HPS3: variants seen among roughly 807,000 people sequenced by gnomAD.
The protein encoded by HPS3 is HPS3 biogenesis of lysosomal organelles complex 2 subunit 1, also known as BLOC-2 complex member HPS3.
In HPS3, 79 loss-of-function variants were observed where a neutral mutation model predicts 110.9. The ratio of observed to expected loss-of-function variants is 0.71; its 90% CI spans 0.59 to 0.86. The LOEUF (loss-of-function observed/expected upper bound fraction) is 0.86, where lower values mean the gene tolerates loss of function less well. Ranked by LOEUF, HPS3 falls within the 40% of genes least tolerant of loss-of-function variation. The pLI, the probability that HPS3 is intolerant of heterozygous loss-of-function variation, is 0.00. For synonymous variants in HPS3, 428 were observed against 451.0 expected (o/e 0.95, Z 0.65); for missense variants, 1,197 against 1,206.2 (o/e 0.99, Z 0.11).
At position 149,160,096 on chromosome 3, in the gene HPS3, A is replaced by G. The variant is rs1723695474; in HGVS notation, c.1923A>G (p.Gln641=). The change falls in exon 11 of 17, where the codon CAA becomes CAG. Residue 641 remains glutamine (Q), a synonymous_variant. Transcript: ENST00000296051. ...VQMFYVAEPK[Q]VPHILCSPSM... ...TGTTTTATGTGGCTGAGCCAAAGCA[A>G]GTGCCCCATATTCTCTGTAGTCCTT... is the stretch of plus-strand genomic sequence containing the variant. 6.2e-7 allele frequency: 1 copy of G among 1,613,888 alleles called. No homozygotes were observed. Among genetic ancestry groups the G allele is most frequent in the Non-Finnish European group, 8.5e-7 (1 of 1,179,920 alleles).
intron 6 of HPS3, 66 bp from the exon 7 acceptor site, chr3:149,153,427 TG>T: frequency 1.5e-6 from 2 of 1,346,208 alleles, no homozygotes. Flanking sequence ...ATAAACTGAC[TG>T]ATTTTTGAAG....
intron 5 of HPS3, among the ~76,000 whole-genome samples, chr3:149,147,653 A>G (rs747499283): frequency 1.3e-5 from 2 of 152,132 alleles, no homozygotes; most frequent in Non-Finnish European, 2.9e-5. Flanking sequence ...TTTATAAGTT[A>G]TGTACATATT....
At chr3:149,150,489 C>T in intron 5 of HPS3, 110 bp from the exon 6 acceptor site, 2 of 778,104 alleles carry the variant, frequency 2.6e-6, no homozygotes, top group Non-Finnish European at 4.6e-6. Flanking sequence ...TTGACAAATA[C>T]TTGACTGTCA....
chr3:149,148,552 A>G (rs11716419), intron 5 of HPS3, among the ~76,000 whole-genome samples: 41,256 of 151,306 alleles, frequency 0.27, 6,211 homozygotes, highest in African/African-American at 0.42. Context: ...ACAGGTGCCC[A>G]TCACCATGCC....
intron 5 of HPS3, among the ~76,000 whole-genome samples, chr3:149,145,918 T>C (rs1440461247): frequency 1.3e-5 from 2 of 152,228 alleles, no homozygotes; most frequent in African/African-American, 4.8e-5. Context: ...ATTTTTCTAG[T>C]ATAAATTGAG....
rs371176846 is a variant in HPS3, at chr3:149,172,250, G to A, written c.*28G>A. Reference sequence around the variant, plus strand: ...GTATCATTTGAAAAATACCATAATGGCATTTGAGACTGAATTTCTAAAAAT... The same window carrying A: ...GTATCATTTGAAAAATACCATAATGACATTTGAGACTGAATTTCTAAAAAT... On this transcript the variant is annotated 3_prime_UTR_variant, in exon 17 of 17. Coordinates refer to ENST00000296051, the MANE Select transcript of HPS3 (RefSeq NM_032383.5). 49 of 1,560,344 alleles carry A rather than the reference G, an allele frequency of 3.1e-5. No individual in the cohort carries two copies. Among genetic ancestry groups the A allele is most frequent in the Non-Finnish European group, 3.9e-5 (45 of 1,145,644 alleles).
Position 149,153,585 on chromosome 3 carries a change from T to C in HPS3, c.1337T>C (p.Ile446Thr), listed in dbSNP as rs963232399. ...KAICHFKNHI[I>T]LLTKAEPEAI... ...ATCTGTCACTTTAAAAACCACATCA[T>C]ACTTTTGACTAAAGCAGAACCTGAA... is the stretch of plus-strand genomic sequence containing the variant. The change falls in exon 7 of 17, where the codon ATA becomes ACA. Residue 446 changes from isoleucine (I) to threonine (T), a missense_variant. Coordinates refer to ENST00000296051, the MANE Select transcript of HPS3 (RefSeq NM_032383.5). 17 of 1,614,100 alleles carry C rather than the reference T, an allele frequency of 1.1e-5. No individual in the cohort carries two copies. Among genetic ancestry groups the C allele is most frequent in the Non-Finnish European group, 1.4e-5 (16 of 1,180,022 alleles).
chr3:149,130,058 T>C, intron 1 of HPS3, 118 bp downstream of exon 1: 2 of 1,008,240 alleles, frequency 2.0e-6, no homozygotes, highest in Non-Finnish European at 2.9e-6. Context: ...TTCCCGGAAT[T>C]TGCCGGATGG....
intron 8 of HPS3, 101 bp downstream of exon 8, chr3:149,155,316 A>G (rs930595280): frequency 5.2e-6 from 4 of 764,224 alleles, no homozygotes; most frequent in Non-Finnish European, 7.0e-6. Context: ...TGCCACAGCC[A>G]TTCAGCTTCC....
intron 4 of HPS3, 51 bp downstream of exon 4, chr3:149,141,431 T>C: frequency 6.8e-7 from 1 of 1,469,224 alleles, no homozygotes; most frequent in Non-Finnish European, 9.5e-7. Flanking sequence ...GAAAATGCTC[T>C]GTCTGGGCTG....
chr3:149,159,047 A>G (rs1723630166), intron 10 of HPS3, among the ~76,000 whole-genome samples: 1 of 152,170 alleles, frequency 6.6e-6, no homozygotes, highest in Admixed American at 6.6e-5. Context: ...ATCTTCTCAT[A>G]CTTTCTCATT....
intron 5 of HPS3, among the ~76,000 whole-genome samples, chr3:149,149,327 A>G (rs1043204528): frequency 1.3e-5 from 2 of 152,018 alleles, no homozygotes; most frequent in South Asian, 4.1e-4. Flanking sequence ...AGCTATTCTC[A>G]TCTGTCCTTC....
chr3:149,140,755 A>C (rs534328122), intron 2 of HPS3, among the ~76,000 whole-genome samples: 13 of 152,278 alleles, frequency 8.5e-5, no homozygotes, highest in African/African-American at 2.4e-4. Context: ...CATAGTTACT[A>C]GTTGAATGAC....
chr3:149,134,167 T>C (rs1019059452), intron 1 of HPS3, among the ~76,000 whole-genome samples: 2 of 152,228 alleles, frequency 1.3e-5, no homozygotes, highest in Non-Finnish European at 2.9e-5. Flanking sequence ...ACGGACCTGT[T>C]TGAAAAACCT....
Position 149,162,724 on chromosome 3 carries a change from A to T in HPS3, c.2327A>T (p.Gln776Leu). Residue 776 changes from glutamine (Q) to leucine (L), a missense_variant, in exon 13 of 17, where the codon CAG becomes CTG. Transcript: ENST00000296051. ...LCAKDEDTIP[Q>L]LLVDFWEAQL... Reference sequence around the variant, plus strand: ...GCTAAGGATGAAGATACAATTCCTCAGCTCTTGGTAGACTTTTGGGAAGCT... The same window carrying T: ...GCTAAGGATGAAGATACAATTCCTCTGCTCTTGGTAGACTTTTGGGAAGCT... 3 of 1,614,034 alleles carry T rather than the reference A, an allele frequency of 1.9e-6. No homozygotes were observed. Among genetic ancestry groups the T allele is most frequent in the Non-Finnish European group, 2.5e-6 (3 of 1,179,942 alleles).
rs749189972 is a variant in HPS3 at position 149,167,252 on chromosome 3, C to T, written c.2796+12C>T. The T allele has an allele frequency of 5.0e-6, 8 of 1,600,408 alleles. 1 individual carries two copies. The highest frequency in any genetic ancestry group is 2.2e-5 in the South Asian group (2 of 90,188). ...AAGAAGAGAACCGGGTATGCTTTTT[C>T]AGATTATGTTTTTAGGCTTGATCAG... On this transcript the variant is annotated intron_variant, in intron 15 of 16. Transcript: ENST00000296051.
In HPS3 at chr3:149,140,150, A is replaced by G. The variant is rs953544588; in HGVS notation, c.364A>G (p.Arg122Gly). 1.2e-6 allele frequency: 2 copies of G among 1,614,120 alleles called. No homozygotes were observed. Among genetic ancestry groups the G allele is most frequent in the Admixed American group, 1.7e-5 (1 of 60,024 alleles). ...NVEGPFSKAFRDQMYIIEMPL... is the reference protein window; with the variant it reads ...NVEGPFSKAFGDQMYIIEMPL... ...GGAGGGACCATTCAGCAAAGCCTTC[A>G]GAGACCAGATGTACATTATTGAAAT... Residue 122 changes from arginine (R) to glycine (G), a missense_variant, in exon 2 of 17, where the codon AGA becomes GGA. Transcript: ENST00000296051.
At chr3:149,171,056 G>A in intron 16 of HPS3, among the ~76,000 whole-genome samples, 1 of 152,200 alleles carries the variant, frequency 6.6e-6, no homozygotes, top group East Asian at 1.9e-4. Flanking sequence ...AAGGCAGGCG[G>A]ATCATGAGGT....
rs1489252070 is a variant in HPS3 at position 149,172,187 on chromosome 3, C to G, written c.2980C>G (p.Leu994Val). The change falls in exon 17 of 17, where the codon CTT (leucine) becomes GTT (valine). Residue 994 changes from leucine to valine, a missense_variant. By Grantham distance (32) the Leu-to-Val change is conservative (BLOSUM62 1). Transcript: ENST00000296051. Reference protein sequence around the residue: ...DGTATFFLPYLLYCSRKKPLT With the variant: ...DGTATFFLPYVLYCSRKKPLT ...TACTGCAACATTTTTCTTGCCATAT[C>G]TTCTCTATTGCAGTCGAAAGAAACC... 1.2e-6 allele frequency: 2 copies of G among 1,613,444 alleles called. No individual in the cohort carries two copies. The highest frequency in any genetic ancestry group is 1.7e-6 in the Non-Finnish European group (2 of 1,179,590).
Sources: gnomAD v4.1 joint callset for allele counts (sites outside exome capture counted in the v4.1 genomes callset) on GRCh38, gnomAD v4.1.1 for gene constraint, MANE v1.5 for transcripts, NCBI Gene and HGNC (gene_info 2026-07-23, HGNC 2026-07-21) for gene names.